Variants in STXBP6 observed in about 807,000 individuals in gnomAD.
The protein encoded by STXBP6 is syntaxin binding protein 6, also known as syntaxin-binding protein 6.
A neutral mutation model predicts 26.9 loss-of-function variants in STXBP6; 21 were observed. The ratio of observed to expected loss-of-function variants is 0.78; its 90% CI spans 0.55 to 1.12. The LOEUF (loss-of-function observed/expected upper bound fraction) is 1.12, where lower values mean the gene tolerates loss of function less well. Ranked by LOEUF, STXBP6 falls within the 50% of genes most tolerant of loss-of-function variation. STXBP6 has a pLI of 0.00. For synonymous variants in STXBP6, 97 were observed against 92.6 expected (o/e 1.05, Z -0.27); for missense variants, 232 against 257.9 (o/e 0.90, Z 0.69).
chr14:24,814,020 G>A (rs1188936924), intron 5 of STXBP6, among the ~76,000 whole-genome samples: 1 of 152,098 alleles, frequency 6.6e-6, no homozygotes, highest in African/African-American at 2.4e-5. Flanking sequence ...AAGAGCTCCT[G>A]GTACCTCTGT....
chr14:24,988,848 G>A (rs1341438988), intron 1 of STXBP6, among the ~76,000 whole-genome samples: 1 of 152,210 alleles, frequency 6.6e-6, no homozygotes. Flanking sequence ...AGAGGTGTCT[G>A]AGGCAAAGAG....
chr14:25,025,505 G>A (rs1370801345), intron 1 of STXBP6, among the ~76,000 whole-genome samples: 4 of 152,048 alleles, frequency 2.6e-5, no homozygotes, highest in African/African-American at 4.8e-5. Context: ...TCTTATAACT[G>A]AGCAACATAC....
intron 4 of STXBP6, among the ~76,000 whole-genome samples, chr14:24,854,248 T>C (rs1003609136): frequency 4.6e-5 from 7 of 152,006 alleles, no homozygotes; most frequent in Non-Finnish European, 1.0e-4. Flanking sequence ...GGTAGCTCGT[T>C]TCCCTTGGAA....
chr14:25,021,819 C>T (rs2075267908), intron 1 of STXBP6, among the ~76,000 whole-genome samples: 1 of 152,156 alleles, frequency 6.6e-6, no homozygotes, highest in Non-Finnish European at 1.5e-5. Context: ...GGCCTTGCTA[C>T]CCATAGGGGA....
intron 1 of STXBP6, among the ~76,000 whole-genome samples, chr14:25,035,185 ACTTT>A (rs2075529680): frequency 6.6e-6 from 1 of 151,936 alleles, no homozygotes; most frequent in African/African-American, 2.4e-5. Flanking sequence ...CATAGAAAGA[ACTTT>A]AGACAGTTGT....
At chr14:24,890,697 G>A (rs1195762170) in intron 2 of STXBP6, among the ~76,000 whole-genome samples, 1 of 152,164 alleles carries the variant, frequency 6.6e-6, no homozygotes, top group Non-Finnish European at 1.5e-5. Context: ...GAGGATACTG[G>A]AATCTAGAAT....
At chr14:24,880,793 G>A (rs576577714) in intron 2 of STXBP6, among the ~76,000 whole-genome samples, 12 of 152,156 alleles carry the variant, frequency 7.9e-5, no homozygotes, top group East Asian at 7.7e-4. Flanking sequence ...TGTACACCCC[G>A]GTACTAAAAA....
intron 2 of STXBP6, among the ~76,000 whole-genome samples, chr14:24,882,334 C>A (rs1477253939): frequency 2.4e-5 from 3 of 124,066 alleles, no homozygotes; most frequent in Non-Finnish European, 4.9e-5. Flanking sequence ...AGCCGAGATC[C>A]CGCCACTGCA....
chr14:25,029,714 T>C (rs971274988), intron 1 of STXBP6, among the ~76,000 whole-genome samples: 3 of 152,134 alleles, frequency 2.0e-5, no homozygotes, highest in Admixed American at 6.5e-5. Flanking sequence ...AAGCTCTCCC[T>C]GAGAAAATGG....
rs111741404 is a variant in STXBP6 at position 24,928,596 on chromosome 14, C to T, written c.154+46069G>A. On this transcript the variant is annotated intron_variant, in intron 2 of 5. Coordinates refer to ENST00000323944, the MANE Select transcript of STXBP6 (RefSeq NM_001394410.1). ...TTGACACCACTTTCCAGCTCTTTAG[C>T]AACTGCTTCAGATACTGATAAACCT... 5.0e-3 allele frequency among the ~76,000 whole-genome samples: 759 copies of T among 152,264 alleles called. 12 individuals carry two copies. Among genetic ancestry groups the T allele is most frequent in the African/African-American group, 0.017 (714 of 41,560 alleles).
chr14:24,970,095 G>C (rs1283318545), intron 2 of STXBP6, among the ~76,000 whole-genome samples: 1 of 152,060 alleles, frequency 6.6e-6, no homozygotes, highest in Non-Finnish European at 1.5e-5. Context: ...TACAAAATCA[G>C]TTGGGTGCAG....
At chr14:24,925,032 G>GTTC (rs1490415176) in intron 2 of STXBP6, among the ~76,000 whole-genome samples, 1 of 152,138 alleles carries the variant, frequency 6.6e-6, no homozygotes, top group African/African-American at 2.4e-5. Flanking sequence ...TTAGTTCCAT[G>GTTC]TTCGTGGTGT....
chr14:24,982,207 C>A (rs1354259591), intron 1 of STXBP6, among the ~76,000 whole-genome samples: 2 of 152,072 alleles, frequency 1.3e-5, no homozygotes, highest in African/African-American at 4.8e-5. Flanking sequence ...TTATTGAGAC[C>A]CAATTATAAG....
chr14:24,819,257 G>A (rs755482727), intron 4 of STXBP6, 63 bp from the exon 5 acceptor site: 84 of 1,593,804 alleles, frequency 5.3e-5, no homozygotes, highest in East Asian at 6.7e-5. Flanking sequence ...ACCAGACTCC[G>A]GCAGGGTGAG....
At chr14:24,918,461 C>T (rs965769818) in intron 2 of STXBP6, among the ~76,000 whole-genome samples, 3 of 116,214 alleles carry the variant, frequency 2.6e-5, no homozygotes, top group Non-Finnish European at 3.8e-5. Flanking sequence ...ACCACACACA[C>T]ACACACACAC....
chr14:24,830,261 C>T (rs1476728603), intron 4 of STXBP6, among the ~76,000 whole-genome samples: 3 of 151,494 alleles, frequency 2.0e-5, no homozygotes, highest in Admixed American at 6.6e-5. Context: ...GTAATCTGGA[C>T]CAAGATAATT....
chr14:24,908,340 C>T (rs1319969994), intron 2 of STXBP6, among the ~76,000 whole-genome samples: 2 of 152,208 alleles, frequency 1.3e-5, no homozygotes, highest in Admixed American at 6.5e-5. Context: ...CACATTGCCA[C>T]TGGACCTCTG....
chr14:24,935,483 A>G (rs538539738), intron 2 of STXBP6, among the ~76,000 whole-genome samples: 93 of 152,352 alleles, frequency 6.1e-4, no homozygotes, highest in African/African-American at 2.2e-3. Flanking sequence ...AAAGAGCCAA[A>G]CTAAGTCAAA....
At chr14:24,853,788 C>A (rs1288258477) in intron 4 of STXBP6, among the ~76,000 whole-genome samples, 2 of 152,158 alleles carry the variant, frequency 1.3e-5, no homozygotes, top group Non-Finnish European at 2.9e-5. Context: ...TAACACTGGA[C>A]ATATGTGTTC....
Sources: allele counts gnomAD v4.1 joint callset (sites outside exome capture counted in the v4.1 genomes callset), GRCh38; gene constraint gnomAD v4.1.1; transcripts MANE v1.5; gene names NCBI Gene and HGNC (gene_info 2026-07-23, HGNC 2026-07-21).